Variants in DDAH1 observed in about 807,000 individuals in gnomAD.
DDAH1 encodes the protein dimethylarginine dimethylaminohydrolase 1, also known as N(G),N(G)-dimethylarginine dimethylaminohydrolase 1.
DDAH1 carries 19 observed loss-of-function variants against 28.8 expected under a neutral mutation model. That is an observed-to-expected ratio of 0.66 (90% CI 0.46 to 0.97). DDAH1 has a LOEUF of 0.97. DDAH1 is among the 50% of genes least tolerant of loss of function. The pLI, the probability that DDAH1 is intolerant of heterozygous loss-of-function variation, is 0.00. For missense variants in DDAH1, 326 were observed against 375.9 expected (o/e 0.87, Z 1.10); for synonymous variants, 153 against 154.4 (o/e 0.99, Z 0.07).
chr1:85,433,461 G>A (rs989286907), intron 1 of DDAH1, among the ~76,000 whole-genome samples: 10 of 152,102 alleles, frequency 6.6e-5, no homozygotes, highest in African/African-American at 2.2e-4. Context: ...CTGCAATAAC[G>A]TACAAGCGGC....
chr1:85,474,252 C>A (rs975880), intron 2 of DDAH1, among the ~76,000 whole-genome samples: 16,793 of 152,252 alleles, frequency 0.11, 1,048 homozygotes, highest in East Asian at 0.22. Flanking sequence ...TAGATTACTG[C>A]AACAGCCATC....
intron 1 of DDAH1, among the ~76,000 whole-genome samples, chr1:85,395,774 G>A (rs1261810281): frequency 2.6e-5 from 4 of 152,064 alleles, no homozygotes; most frequent in African/African-American, 9.7e-5. Context: ...TCTTATGAAA[G>A]GAATTTTGAG....
chr1:85,489,311 A>G (rs1189467529), intron 2 of DDAH1, among the ~76,000 whole-genome samples: 1 of 152,218 alleles, frequency 6.6e-6, no homozygotes, highest in East Asian at 1.9e-4. Context: ...ACCTGAAGGA[A>G]GAGAAGGCAG....
At chr1:85,497,793 CTCA>C (rs1227311523) in intron 1 of DDAH1, among the ~76,000 whole-genome samples, 1 of 152,164 alleles carries the variant, frequency 6.6e-6, no homozygotes, top group Non-Finnish European at 1.5e-5. Context: ...AATGCAATTT[CTCA>C]TGTTATATAT....
At chr1:85,564,710 A>C (rs1034818039) in intron 1 of DDAH1, among the ~76,000 whole-genome samples, 1 of 151,960 alleles carries the variant, frequency 6.6e-6, no homozygotes, top group Non-Finnish European at 1.5e-5. Context: ...TCTACTAAAA[A>C]TACAAACAAA....
Position 85,567,411 on chromosome 1 carries a change from T to C in DDAH1, c.-123+10573A>G, listed in dbSNP as rs147616554. Among the ~76,000 whole-genome samples the C allele has an allele frequency of 2.6e-5, 4 of 152,288 alleles. No homozygotes were observed. The East Asian group carries it at 7.7e-4, about 29-fold the overall frequency. Reference sequence around the variant, plus strand: ...CATGATAGTGATAGGTCTCACAAGATCCAATGGTTTTAAAAATGGGGAGTT... The same window carrying C: ...CATGATAGTGATAGGTCTCACAAGACCCAATGGTTTTAAAAATGGGGAGTT... On this transcript the variant is annotated intron_variant, in intron 1 of 6. Transcript: ENST00000426972.
chr1:85,498,621 T>C (rs1314128109), intron 1 of DDAH1, among the ~76,000 whole-genome samples: 1 of 152,042 alleles, frequency 6.6e-6, no homozygotes, highest in Admixed American at 6.6e-5. Context: ...TAAAATGAAA[T>C]ATTAAAACAT....
At position 85,570,144 on chromosome 1, in the gene DDAH1, A is replaced by G. The variant is rs113253672; in HGVS notation, c.-123+7840T>C. ...CTGTTTTACCACTGACGAGACTGAGACCCCGTGAGATTAGGTGGTTAACCT... is the reference window on the plus strand; with the variant it reads ...CTGTTTTACCACTGACGAGACTGAGGCCCCGTGAGATTAGGTGGTTAACCT... On this transcript the variant is annotated intron_variant, in intron 1 of 6. Transcript: ENST00000426972. Among the ~76,000 whole-genome samples the G allele has an allele frequency of 8.5e-3, 1,293 of 152,078 alleles. 18 individuals carry two copies. The highest frequency in any genetic ancestry group is 0.03 in the African/African-American group (1,249 of 41,432).
chr1:85,538,829 A>AT, intron 1 of DDAH1, among the ~76,000 whole-genome samples: 1 of 152,316 alleles, frequency 6.6e-6, no homozygotes, highest in Non-Finnish European at 1.5e-5. Flanking sequence ...ATGCTCACAA[A>AT]TGTGTGCCTG....
Position 85,488,361 on chromosome 1 carries a change from G to C in DDAH1, c.-7+7805C>G, listed in dbSNP as rs939701588. 7.9e-4 allele frequency: 120 copies of C among 152,248 alleles called. 1 individual carries two copies. Among genetic ancestry groups the C allele is most frequent in the African/African-American group, 2.8e-3 (118 of 41,538 alleles). 9.4% of individuals were successfully genotyped at this position (152,248 alleles called of 1,614,324 possible). A position where few individuals can be genotyped will look rare whatever the true frequency, so the allele number is the denominator to read the frequency against. On this transcript the variant is annotated intron_variant, in intron 2 of 6. Transcript: ENST00000426972. Reference sequence around the variant, plus strand: ...GATTCTGGTGAGGGCTCTCTTCCTGGTTTTCAGATGGCTTTCTTCTCACTA... The same window carrying C: ...GATTCTGGTGAGGGCTCTCTTCCTGCTTTTCAGATGGCTTTCTTCTCACTA...
At chr1:85,514,046 A>T (rs200237409) in intron 1 of DDAH1, among the ~76,000 whole-genome samples, 1 of 152,230 alleles carries the variant, frequency 6.6e-6, no homozygotes, top group Admixed American at 6.5e-5. Flanking sequence ...ATAAAGACAC[A>T]TGCACACGTA....
At chr1:85,391,320 A>G (rs1184329846) in intron 1 of DDAH1, among the ~76,000 whole-genome samples, 2 of 152,206 alleles carry the variant, frequency 1.3e-5, no homozygotes, top group Non-Finnish European at 2.9e-5. Flanking sequence ...TCTGAAGAGA[A>G]GCCAGGTGTA....
chr1:85,374,563 A>G (rs1389273924), intron 1 of DDAH1, among the ~76,000 whole-genome samples: 1 of 152,154 alleles, frequency 6.6e-6, no homozygotes, highest in African/African-American at 2.4e-5. Context: ...AATTTAATGT[A>G]GAGAAATTAG....
At chr1:85,462,513 TGG>T (rs973593796) in intron 1 of DDAH1, among the ~76,000 whole-genome samples, 1 of 152,214 alleles carries the variant, frequency 6.6e-6, no homozygotes, top group African/African-American at 2.4e-5. Flanking sequence ...TTTTCACAGT[TGG>T]GAATGCAGAC....
intron 1 of DDAH1, among the ~76,000 whole-genome samples, chr1:85,533,313 G>A (rs2773145): frequency 1.5e-4 from 23 of 152,234 alleles, no homozygotes; most frequent in Non-Finnish European, 2.9e-4. Context: ...TCAAAATTGC[G>A]TTAAGAAAGT....
chr1:85,554,276 G>GTTTTTTTTTTT (rs368410411), intron 1 of DDAH1, among the ~76,000 whole-genome samples: 23 of 110,704 alleles, frequency 2.1e-4, no homozygotes, highest in African/African-American at 6.2e-4. Context: ...AATTGTAAGA[G>GTTTTTTTTTTT]TTTTTTTTTT....
At chr1:85,511,901 G>T (rs960792927) in intron 1 of DDAH1, among the ~76,000 whole-genome samples, 1 of 152,166 alleles carries the variant, frequency 6.6e-6, no homozygotes, top group African/African-American at 2.4e-5. Flanking sequence ...TGGATTCACA[G>T]CCGAATTCTA....
intron 1 of DDAH1, among the ~76,000 whole-genome samples, chr1:85,417,233 G>A (rs966580517): frequency 6.6e-6 from 1 of 152,202 alleles, no homozygotes; most frequent in African/African-American, 2.4e-5. Context: ...AGCACAGCGT[G>A]CAGCCAGGAG....
At chr1:85,352,125 A>T (rs1316430535) in intron 2 of DDAH1, among the ~76,000 whole-genome samples, 1 of 152,208 alleles carries the variant, frequency 6.6e-6, no homozygotes, top group Non-Finnish European at 1.5e-5. Flanking sequence ...GAGGAAAAAG[A>T]AAAAATTGAT....
Sources: allele counts gnomAD v4.1 joint callset (sites outside exome capture counted in the v4.1 genomes callset), GRCh38; gene constraint gnomAD v4.1.1; transcripts MANE v1.5; gene names NCBI Gene and HGNC (gene_info 2026-07-23, HGNC 2026-07-21).